Variants in DGAT1 observed in about 807,000 individuals in gnomAD.
DGAT1 encodes diacylglycerol O-acyltransferase 1.
In DGAT1, 60 loss-of-function variants were observed where a neutral mutation model predicts 72.6. The ratio of observed to expected loss-of-function variants is 0.83; its 90% CI spans 0.67 to 1.02. The LOEUF is 1.02. Among genes scored for constraint, DGAT1 ranks in the 50% least tolerant of loss-of-function variants. DGAT1 has a pLI of 0.00. For synonymous variants in DGAT1, 290 were observed against 267.5 expected (o/e 1.08, Z -0.82); for missense variants, 592 against 670.0 (o/e 0.88, Z 1.29).
Position 144,314,914 on chromosome 8 carries a change from T to A in DGAT1, c.*1640A>T. ...CAGTTCTTTATTGAGGGACCAGGGGTGGGCGCCTCACCTTGGCCCTGGGGG... is the reference window on the plus strand; with the variant it reads ...CAGTTCTTTATTGAGGGACCAGGGGAGGGCGCCTCACCTTGGCCCTGGGGG... On this transcript the variant is annotated 3_prime_UTR_variant, in exon 17 of 17. Transcript: ENST00000528718. The A allele has an allele frequency of 9.1e-6, 9 of 986,370 alleles. No individual in the cohort carries two copies. Among genetic ancestry groups the A allele is most frequent in the Non-Finnish European group, 1.1e-5 (9 of 830,620 alleles). The allele number at this position is 986,370 out of a possible 1,614,324, so 61.1% of individuals were successfully genotyped here.
chr8:144,315,288 T>A lies in DGAT1; in HGVS notation c.*1266A>T, dbSNP rs1554846730. 1.0e-6 allele frequency: 1 copy of A among 985,344 alleles called. No individual in the cohort carries two copies. The highest frequency in any genetic ancestry group is 1.7e-5 in the African/African-American group (1 of 57,226). The allele number at this position is 985,344 out of a possible 1,614,324, so 61.0% of individuals were successfully genotyped here. A position where few individuals can be genotyped will look rare whatever the true frequency, so the allele number is the denominator to read the frequency against. ...AGGAGCTCACCCACTACTGCCATCC[T>A]CAGCAGGGCCCAAGGAGATGCCTCC... On this transcript the variant is annotated 3_prime_UTR_variant, in exon 17 of 17. Coordinates refer to ENST00000528718, the MANE Select transcript of DGAT1 (RefSeq NM_012079.6).
Position 144,318,355 on chromosome 8 carries a change from G to A in DGAT1, c.582C>T (p.Ser194=), listed in dbSNP as rs1554847588. 6.2e-7 allele frequency: 1 copy of A among 1,611,212 alleles called. No homozygotes were observed. Among genetic ancestry groups the A allele is most frequent in the East Asian group, 2.2e-5 (1 of 44,862 alleles). The stretch of plus-strand genomic sequence containing the variant: ...TGGTGTGCGCCATCAGCGCCAGCAG[G>A]GAGCCCACTGCAGGAGAGGTGGACT... ...LLVESITPVG[S]LLALMAHTIL... Residue 194 remains serine, a synonymous_variant, in exon 7 of 17, where the codon TCC becomes TCT. Coordinates refer to ENST00000528718, the MANE Select transcript of DGAT1 (RefSeq NM_012079.6).
At chr8:144,318,417 G>A (rs376936221) in intron 6 of DGAT1, 44 bp downstream of exon 6, 27 of 1,609,146 alleles carry the variant, frequency 1.7e-5, no homozygotes, top group East Asian at 6.7e-5. Flanking sequence ...GGCCATGCCC[G>A]TGGCTGGCCC....
chr8:144,320,966 G>A (rs988832070), intron 2 of DGAT1, among the ~76,000 whole-genome samples: 1 of 152,136 alleles, frequency 6.6e-6, no homozygotes, highest in African/African-American at 2.4e-5. Context: ...TGCCCTCCCT[G>A]GAGGCCCTGC....
rs1554846809 is a variant in DGAT1, at chr8:144,315,577, CT to C, written c.*976del. The C allele has an allele frequency of 4.1e-6, 4 of 985,552 alleles. No individual in the cohort carries two copies. The African/African-American group carries it at 7.0e-5, about 17-fold the overall frequency. 61.1% of individuals were successfully genotyped at this position (985,552 alleles called of 1,614,324 possible). On this transcript the variant is annotated 3_prime_UTR_variant, in exon 17 of 17. Coordinates refer to ENST00000528718, the MANE Select transcript of DGAT1 (RefSeq NM_012079.6). ...CAGCAGCAGGGCCCTGGGGTTACCC[CT>C]GACCTCCCGCTACCATCAAGGGGGG...
At chr8:144,321,178 G>A in intron 2 of DGAT1, 143 bp downstream of exon 2, 3 of 760,126 alleles carry the variant, frequency 3.9e-6, no homozygotes, top group Admixed American at 2.0e-5. Context: ...CCACATGGAG[G>A]TGCAGCCTGC....
chr8:144,320,227 C>T (rs1209912807), intron 2 of DGAT1, among the ~76,000 whole-genome samples: 2 of 152,216 alleles, frequency 1.3e-5, no homozygotes, highest in Non-Finnish European at 2.9e-5. Flanking sequence ...GAAAAGGCTT[C>T]AGGGCTGGGC....
In DGAT1 at chr8:144,315,868, G is replaced by A. The variant is rs192686518; in HGVS notation, c.*686C>T. 2,712 of 985,592 alleles carry A rather than the reference G, an allele frequency of 2.8e-3. 8 individuals carry two copies. Among genetic ancestry groups the A allele is most frequent in the Non-Finnish European group, 3.1e-3 (2,541 of 830,044 alleles). The allele number at this position is 985,592 out of a possible 1,614,324, so 61.1% of individuals were successfully genotyped here. A position where few individuals can be genotyped will look rare whatever the true frequency, so the allele number is the denominator to read the frequency against. ...GCCATGGACATAGCCATTGTGTACCGTAGCCCCTCGGCTCACCAGACCCAC... is the reference window on the plus strand; with the variant it reads ...GCCATGGACATAGCCATTGTGTACCATAGCCCCTCGGCTCACCAGACCCAC... On this transcript the variant is annotated 3_prime_UTR_variant, in exon 17 of 17. Transcript: ENST00000528718.
At chr8:144,318,193 G>C in intron 7 of DGAT1, 24 bp from the exon 8 acceptor site, 1 of 1,609,188 alleles carries the variant, frequency 6.2e-7, no homozygotes, top group Non-Finnish European at 8.5e-7. Context: ...AGAGTGGGAG[G>C]GGGCTGGTGG....
chr8:144,321,309 T>C lies in DGAT1; in HGVS notation c.288+12A>G. 10 of 1,613,244 alleles carry C rather than the reference T, an allele frequency of 6.2e-6. No individual in the cohort carries two copies. The highest frequency in any genetic ancestry group is 8.5e-6 in the Non-Finnish European group (10 of 1,179,464). On this transcript the variant is annotated intron_variant, in intron 2 of 16. Coordinates refer to ENST00000528718, the MANE Select transcript of DGAT1 (RefSeq NM_012079.6). ...GGACCTAGACCCGCTCCCGACACCATGTCCCACTCACCAGCATCACCACAC... is the reference window on the plus strand; with the variant it reads ...GGACCTAGACCCGCTCCCGACACCACGTCCCACTCACCAGCATCACCACAC...
chr8:144,316,547 G>A lies in DGAT1; in HGVS notation c.*7C>T, dbSNP rs377613065. 48 of 1,582,678 alleles carry A rather than the reference G, an allele frequency of 3.0e-5. No homozygotes were observed. Among genetic ancestry groups the A allele is most frequent in the Non-Finnish European group, 1.7e-6 (2 of 1,163,890 alleles). ...TGGCAGTGAGAAGCCAGGCCCTCAG[G>A]TGCAGCTCAGGCCTCTGCCGCTGGG... On this transcript the variant is annotated 3_prime_UTR_variant, in exon 17 of 17. Coordinates refer to ENST00000528718, the MANE Select transcript of DGAT1 (RefSeq NM_012079.6).
At chr8:144,316,995 A>C (rs1817254425) in intron 15 of DGAT1, 27 bp downstream of exon 15, 1 of 1,610,932 alleles carries the variant, frequency 6.2e-7, no homozygotes, top group Non-Finnish European at 8.5e-7. Context: ...CCCAGGGATG[A>C]GGCAAGATGC....
At position 144,318,559 on chromosome 8, in the gene DGAT1, AG is replaced by A; in HGVS notation, c.475del (p.Leu159Ter). The A allele has an allele frequency of 6.2e-7, 1 of 1,612,102 alleles. No individual in the cohort carries two copies. The highest frequency in any genetic ancestry group is 8.5e-7 in the Non-Finnish European group (1 of 1,179,780). ...CAGCAGCAGTCCCGCCTGCTCCGTC[AG>A]GGCACCCTGGAGTGGGGAGCAGAGC... ...QVEKRLAVGA[L>X]TEQAGLLLHV... is the part of the protein sequence containing the mutation. On this transcript the variant is annotated frameshift_variant, in exon 6 of 17. Coordinates refer to ENST00000528718, the MANE Select transcript of DGAT1 (RefSeq NM_012079.6). LOFTEE classifies it high-confidence loss of function.
chr8:144,326,549 C>A lies in DGAT1; in HGVS notation c.88G>T (p.Glu30Ter). ...GGGGPAAAEE[E>*]VRDAAAGPDV... is the part of the protein sequence containing the mutation. Reference sequence around the variant, plus strand: ...GGGCCCGCAGCGGCGTCCCGCACCTCCTCTTCCGCCGCCGCAGGCCCGCCG... The same window carrying A: ...GGGCCCGCAGCGGCGTCCCGCACCTACTCTTCCGCCGCCGCAGGCCCGCCG... The change falls in exon 1 of 17, where the codon GAG becomes TAG. Residue 30 changes from glutamate to a stop codon, truncating the protein, a stop_gained. Coordinates refer to ENST00000528718, the MANE Select transcript of DGAT1 (RefSeq NM_012079.6). LOFTEE classifies it high-confidence loss of function. 1 of 1,266,082 alleles carries A rather than the reference C, an allele frequency of 7.9e-7. No homozygotes were observed. The highest frequency in any genetic ancestry group is 9.9e-7 in the Non-Finnish European group (1 of 1,006,894). The allele number at this position is 1,266,082 out of a possible 1,614,324, so 78.4% of individuals were successfully genotyped here. A position where few individuals can be genotyped will look rare whatever the true frequency, so the allele number is the denominator to read the frequency against.
In DGAT1 at chr8:144,318,501, G is replaced by A. The variant is rs1817330664; in HGVS notation, c.534C>T (p.Phe178=). ...HVANLATILC[F]PAAVVLLVES... is the part of the protein sequence containing the mutation. ...CAACCAGTAAGACCACAGCCGCTGG[G>A]AAACACAGAATGGTGGCCAGGTTGG... Residue 178 remains phenylalanine, a synonymous_variant, in exon 6 of 17, where the codon TTC becomes TTT. Transcript: ENST00000528718. 3.7e-6 allele frequency: 6 copies of A among 1,611,674 alleles called. No individual in the cohort carries two copies. The South Asian group carries it at 5.5e-5, about 15-fold the overall frequency.
chr8:144,316,762 C>A (rs1817240846), intron 16 of DGAT1, 53 bp from the exon 17 acceptor site: 1 of 1,600,280 alleles, frequency 6.2e-7, no homozygotes, highest in South Asian at 1.1e-5. Flanking sequence ...GGGCTGGGGG[C>A]TTCAGGGTCC....
chr8:144,324,785 C>T (rs1274930707), intron 1 of DGAT1, among the ~76,000 whole-genome samples: 3 of 151,872 alleles, frequency 2.0e-5, no homozygotes, highest in Non-Finnish European at 2.9e-5. Context: ...TCTCAATTCC[C>T]GGCCGGGCGC....
chr8:144,315,365 G>T lies in DGAT1; in HGVS notation c.*1189C>A, dbSNP rs189616608. On this transcript the variant is annotated 3_prime_UTR_variant, in exon 17 of 17. Coordinates refer to ENST00000528718, the MANE Select transcript of DGAT1 (RefSeq NM_012079.6). ...GGGTAGAGGGAGGATACCACCAAGGGAGCCCACCCTCCCCTCACACCACCA... is the reference window on the plus strand; with the variant it reads ...GGGTAGAGGGAGGATACCACCAAGGTAGCCCACCCTCCCCTCACACCACCA... 923 of 985,444 alleles carry T rather than the reference G, an allele frequency of 9.4e-4. 8 individuals carry two copies. The African/African-American group carries it at 0.015, about 16-fold the overall frequency. 61.0% of individuals were successfully genotyped at this position (985,444 alleles called of 1,614,324 possible).
In DGAT1 at chr8:144,326,689, C is replaced by G. The variant is rs558749016; in HGVS notation, c.-53G>C. The G allele has an allele frequency of 8.8e-7, 1 of 1,136,468 alleles. No individual in the cohort carries two copies. 70.4% of individuals were successfully genotyped at this position (1,136,468 alleles called of 1,614,324 possible). ...AAGCGTGGGCCCGCCGGGTTCGTAG[C>G]GCCCGAGGCGCGCGGCCCCACCTCC... On this transcript the variant is annotated 5_prime_UTR_variant, in exon 1 of 17. Transcript: ENST00000528718.
Sources: gnomAD v4.1 joint callset for allele counts (sites outside exome capture counted in the v4.1 genomes callset) on GRCh38, gnomAD v4.1.1 for gene constraint, MANE v1.5 for transcripts, NCBI Gene and HGNC (gene_info 2026-07-23, HGNC 2026-07-21) for gene names.